Variants in SELP observed in about 807,000 individuals in gnomAD.
SELP encodes selectin P.
Under a neutral mutation model 104.1 loss-of-function variants are expected in SELP, and 92 were observed. The ratio of observed to expected loss-of-function variants is 0.88; its 90% confidence interval spans 0.75 to 1.05. The LOEUF is 1.05. SELP is among the 50% of genes least tolerant of loss of function. The probability of loss-of-function intolerance (pLI) is 0.00; values close to 1 mark genes in which losing one functional copy is unlikely to be tolerated. For missense variants in SELP, 1,022 were observed against 1,017.3 expected (o/e 1.00, Z -0.06); for synonymous variants, 397 against 364.5 (o/e 1.09, Z -1.01).
At chr1:169,624,692 T>A (rs577060613) in intron 1 of SELP, among the ~76,000 whole-genome samples, 1 of 152,260 alleles carries the variant, frequency 6.6e-6, no homozygotes, top group East Asian at 1.9e-4. Flanking sequence ...GAGGTGGCAG[T>A]GAGCCGAGAC....
intron 13 of SELP, 115 bp downstream of exon 13, chr1:169,594,577 A>C (rs1413406475): frequency 3.1e-6 from 3 of 955,796 alleles, no homozygotes; most frequent in Non-Finnish European, 4.8e-6. Flanking sequence ...CTTATTAAGC[A>C]GGGGGAAACC....
In SELP at chr1:169,609,628, C is replaced by G. The variant is rs766603751; in HGVS notation, c.1209G>C (p.Leu403Phe). ...AGTTGGTGTCATACTGAAACGCTCT[C>G]AAGGATGGAGAGCAATCCATGCTTC... ...VHGSMDCSPS[L>F]RAFQYDTNCS... Residue 403 changes from leucine (L) to phenylalanine (F), a missense_variant, in exon 8 of 17, where the codon TTG becomes TTC. Physicochemically the swap from Leu to Phe is conservative, Grantham distance 22. Coordinates refer to ENST00000263686, the MANE Select transcript of SELP (RefSeq NM_003005.4). 7.4e-6 allele frequency: 12 copies of G among 1,613,894 alleles called. No individual in the cohort carries two copies. The highest frequency in any genetic ancestry group is 1.6e-4 in the Middle Eastern group (1 of 6,084).
intron 6 of SELP, 27 bp downstream of exon 6, chr1:169,612,190 T>C: frequency 6.2e-7 from 1 of 1,609,992 alleles, no homozygotes. Flanking sequence ...CAATGGACAT[T>C]ATACATCCCA....
rs760084739 is a variant in SELP at position 169,617,067 on chromosome 1, C to G, written c.442G>C (p.Glu148Gln). 1 of 1,613,764 alleles carries G rather than the reference C, an allele frequency of 6.2e-7. No individual in the cohort carries two copies. The highest frequency in any genetic ancestry group is 1.1e-5 in the South Asian group (1 of 91,044). The change falls in exon 3 of 17, where the codon GAG becomes CAG. Residue 148 changes from glutamate to glutamine, a missense_variant. By Grantham distance (29) the Glu-to-Gln change is conservative. Coordinates refer to ENST00000263686, the MANE Select transcript of SELP (RefSeq NM_003005.4). The stretch of plus-strand genomic sequence containing the variant: ...GCGTGCTTTTTCTTCAAGCAGTGCT[C>G]ATCATTCCACTTGCCAGGGGCTGAC... Reference protein sequence around the residue: ...SPSAPGKWNDEHCLKKKHALC... With the variant: ...SPSAPGKWNDQHCLKKKHALC...
chr1:169,592,437 T>G (rs1038203361), intron 14 of SELP, among the ~76,000 whole-genome samples: 1 of 152,208 alleles, frequency 6.6e-6, no homozygotes, highest in South Asian at 2.1e-4. Context: ...TATTTTAACA[T>G]AGCCACTTTC....
chr1:169,626,448 G>T (rs768106884), intron 1 of SELP, among the ~76,000 whole-genome samples: 3 of 152,208 alleles, frequency 2.0e-5, no homozygotes, highest in Non-Finnish European at 4.4e-5. Context: ...GGGCATGGTG[G>T]CGCATGCCTG....
At chr1:169,592,108 T>C (rs987163315) in intron 14 of SELP, among the ~76,000 whole-genome samples, 1 of 152,210 alleles carries the variant, frequency 6.6e-6, no homozygotes, top group Admixed American at 6.5e-5. Context: ...TACATGATCA[T>C]AGAGATTAAG....
chr1:169,598,708 T>C (rs1253569640), intron 10 of SELP, among the ~76,000 whole-genome samples: 2 of 152,210 alleles, frequency 1.3e-5, no homozygotes, highest in Admixed American at 6.5e-5. Context: ...CTGAAGAATA[T>C]GTATAATGTC....
intron 2 of SELP, among the ~76,000 whole-genome samples, chr1:169,617,792 C>T (rs752425841): frequency 6.6e-6 from 1 of 152,208 alleles, no homozygotes; most frequent in Non-Finnish European, 1.5e-5. Context: ...GTCTTAAGGG[C>T]AAGCTCTACC....
At chr1:169,620,947 TTCTGTGTGTGTGTG>T (rs1663081287) in intron 1 of SELP, among the ~76,000 whole-genome samples, 1 of 71,412 alleles carries the variant, frequency 1.4e-5, no homozygotes, top group East Asian at 2.9e-4. Context: ...CAGTGTGGGG[TTCTGTGTGTGTGTG>T]TGTGTGTGTG....
intron 3 of SELP, among the ~76,000 whole-genome samples, chr1:169,615,958 CG>C (rs1662786294): frequency 6.6e-6 from 1 of 152,140 alleles, no homozygotes; most frequent in South Asian, 2.1e-4. Context: ...ACTTCCTGCT[CG>C]GGGCAGTCCA....
chr1:169,603,168 C>A lies in SELP; in HGVS notation c.1563G>T (p.Met521Ile), dbSNP rs1421824952. ...TPLLSPQNGT[M>I]TCVQPLGSSS... ...AACTTCCAAGAGGTTGAACACAGGT[C>A]ATTGTTCCATTCTGAGGGCTTAGCA... is the stretch of plus-strand genomic sequence containing the variant. Residue 521 changes from methionine (M) to isoleucine (I), a missense_variant, in exon 10 of 17, where the codon ATG (methionine) becomes ATT (isoleucine). Coordinates refer to ENST00000263686, the MANE Select transcript of SELP (RefSeq NM_003005.4). 6.2e-7 allele frequency: 1 copy of A among 1,613,958 alleles called. No homozygotes were observed. Among genetic ancestry groups the A allele is most frequent in the East Asian group, 2.2e-5 (1 of 44,872 alleles).
At chr1:169,610,727 T>C (rs917870727) in intron 7 of SELP, among the ~76,000 whole-genome samples, 18 of 152,050 alleles carry the variant, frequency 1.2e-4, no homozygotes, top group African/African-American at 3.9e-4. Flanking sequence ...TGCAGTGAGC[T>C]GAGATCGTGC....
chr1:169,615,691 A>G (rs1017864717), intron 3 of SELP, among the ~76,000 whole-genome samples: 2 of 152,212 alleles, frequency 1.3e-5, no homozygotes, highest in African/African-American at 4.8e-5. Flanking sequence ...TATATGCTCA[A>G]TTAATCAATT....
At chr1:169,620,467 A>C (rs1663043064) in intron 1 of SELP, among the ~76,000 whole-genome samples, 1 of 151,452 alleles carries the variant, frequency 6.6e-6, no homozygotes, top group African/African-American at 2.4e-5. Context: ...AAAGCATGCG[A>C]CATGACCAAG....
chr1:169,623,039 T>G (rs1663213156), intron 1 of SELP, among the ~76,000 whole-genome samples: 1 of 152,232 alleles, frequency 6.6e-6, no homozygotes, highest in Admixed American at 6.5e-5. Flanking sequence ...TAAAAAATTG[T>G]AGCTTTCCAC....
intron 1 of SELP, among the ~76,000 whole-genome samples, chr1:169,628,974 G>A (rs1218487111): frequency 6.6e-6 from 1 of 152,224 alleles, no homozygotes; most frequent in Admixed American, 6.5e-5. Context: ...AAGCAAAGCA[G>A]TAGGATGAAT....
At chr1:169,597,746 CTGG>C (rs1661701209) in intron 10 of SELP, among the ~76,000 whole-genome samples, 1 of 152,176 alleles carries the variant, frequency 6.6e-6, no homozygotes, top group Non-Finnish European at 1.5e-5. Flanking sequence ...TCAAAACCTC[CTGG>C]TCAAGATAGA....
chr1:169,624,799 C>T (rs1663297680), intron 1 of SELP, among the ~76,000 whole-genome samples: 1 of 152,058 alleles, frequency 6.6e-6, no homozygotes, highest in Non-Finnish European at 1.5e-5. Context: ...AAGAGAAAAG[C>T]AGAGAGAAAG....
Sources: gnomAD v4.1 joint callset for allele counts (sites outside exome capture counted in the v4.1 genomes callset) on GRCh38, gnomAD v4.1.1 for gene constraint, MANE v1.5 for transcripts, NCBI Gene and HGNC (gene_info 2026-07-23, HGNC 2026-07-21) for gene names.